Variants in ITPR3 observed in about 807,000 individuals in gnomAD.
ITPR3 encodes inositol 1,4,5-trisphosphate receptor type 3.
Under a neutral mutation model 293.2 loss-of-function variants are expected in ITPR3, and 173 were observed. The observed-to-expected ratio is 0.59, with a 90% CI of 0.52 to 0.67. The LOEUF (loss-of-function observed/expected upper bound fraction) is 0.67, where lower values mean the gene tolerates loss of function less well. Ranked by LOEUF, ITPR3 falls within the 30% of genes least tolerant of loss-of-function variation. The pLI, the probability that ITPR3 is intolerant of heterozygous loss-of-function variation, is 0.00. For missense variants in ITPR3, 2,796 were observed against 3,592.1 expected, an observed-to-expected ratio of 0.78 and a Z score of 5.66; for synonymous variants, 1,295 against 1,444.4, an observed-to-expected ratio of 0.90 and a Z score of 2.35.
At chr6:33,668,386 C>CT in intron 16 of ITPR3, 129 bp from the exon 17 acceptor site, 1 of 1,289,496 alleles carries the variant, frequency 7.8e-7, no homozygotes, top group Non-Finnish European at 1.1e-6. Flanking sequence ...CCACCCATCT[C>CT]TAAGCCTTGG....
In ITPR3 at chr6:33,679,923, T is replaced by A. The variant is rs147873398; in HGVS notation, c.4014T>A (p.Asp1338Glu). The A allele has an allele frequency of 3.8e-4, 606 of 1,613,806 alleles. 1 individual carries two copies. In the African/African-American group the frequency reaches 6.0e-3, roughly 16 times the overall value. ...AGDDVVVFYN[D>E]KASLAHLLDM... ...ACGATGTGGTCGTGTTCTACAATGA[T>A]AAGGCATCGCTGGCCCACCTGCTGG... The change falls in exon 31 of 58, where the codon GAT (aspartate) becomes GAA (glutamate). Residue 1338 changes from aspartate (D) to glutamate (E), a missense_variant. Physicochemically the swap from Asp to Glu is conservative, Grantham distance 45. Around this residue, in one of 8 missense-constraint regions of ITPR3, gnomAD observed 344 missense variants for 460.3 expected, o/e 0.75. Coordinates refer to ENST00000605930, the MANE Select transcript of ITPR3 (RefSeq NM_002224.4). This position sits in a 1 kb window ranked among gnomAD's most constrained non-coding sequence, Gnocchi z 4.2.
At chr6:33,647,027 G>A (rs7771951) in intron 2 of ITPR3, among the ~76,000 whole-genome samples, 13,934 of 152,104 alleles carry the variant, frequency 0.092, 723 homozygotes, top group Non-Finnish European at 0.12. Flanking sequence ...ATTAAAAAAG[G>A]TTATTTATTT....
Position 33,684,725 on chromosome 6 carries a change from T to C in ITPR3, c.5137+37T>C, listed in dbSNP as rs536720873. 81 of 1,611,410 alleles carry C rather than the reference T, an allele frequency of 5.0e-5. No homozygotes were observed. The highest frequency in any genetic ancestry group is 6.4e-5 in the Non-Finnish European group (75 of 1,178,370). On this transcript the variant is annotated intron_variant, in intron 38 of 57. Coordinates refer to ENST00000605930, the MANE Select transcript of ITPR3 (RefSeq NM_002224.4). This position sits in a 1 kb window ranked among gnomAD's most constrained non-coding sequence, Gnocchi z 4.2. ...CTTCCCCTGCCCCCGGGCCCTCCCTTCCACTCTCCTGTCACACCAGCTCTC... is the reference window on the plus strand; with the variant it reads ...CTTCCCCTGCCCCCGGGCCCTCCCTCCCACTCTCCTGTCACACCAGCTCTC...
intron 3 of ITPR3, among the ~76,000 whole-genome samples, chr6:33,656,771 G>T (rs1469311662): frequency 1.3e-5 from 2 of 152,182 alleles, no homozygotes; most frequent in African/African-American, 4.8e-5. Flanking sequence ...GGGCCCTGTT[G>T]CCCCACCCCT....
intron 2 of ITPR3, among the ~76,000 whole-genome samples, chr6:33,641,876 G>T (rs553330776): frequency 6.6e-6 from 1 of 152,052 alleles, no homozygotes; most frequent in African/African-American, 2.4e-5. Flanking sequence ...ATACAAAATC[G>T]CACTGCTGGC....
At chr6:33,629,951 C>T (rs1763635518) in intron 1 of ITPR3, among the ~76,000 whole-genome samples, 1 of 151,988 alleles carries the variant, frequency 6.6e-6, no homozygotes, top group East Asian at 2.0e-4. Context: ...ATTAGCTGGG[C>T]ATCGTGGCAC....
At position 33,691,474 on chromosome 6, in the gene ITPR3, A is replaced by G; in HGVS notation, c.7226-141A>G. ...CCCAGTCGGGGGCAGAAGCGTGATG[A>G]CCCTTCACTGTGGCTGGACAGTGGA... On this transcript the variant is annotated intron_variant, in intron 52 of 57. Coordinates refer to ENST00000605930, the MANE Select transcript of ITPR3 (RefSeq NM_002224.4). This position sits in a 1 kb window ranked among gnomAD's most constrained non-coding sequence, Gnocchi z 4.9. 1 of 699,660 alleles carries G rather than the reference A, an allele frequency of 1.4e-6. No individual in the cohort carries two copies. Among genetic ancestry groups the G allele is most frequent in the Non-Finnish European group, 2.4e-6 (1 of 409,380 alleles). 43.3% of individuals were successfully genotyped at this position (699,660 alleles called of 1,614,324 possible).
chr6:33,633,056 G>A lies in ITPR3; in HGVS notation c.90-7428G>A, dbSNP rs1763720041. Among the ~76,000 whole-genome samples, 1 of 152,232 alleles carries A rather than the reference G, an allele frequency of 6.6e-6. No individual in the cohort carries two copies. Among genetic ancestry groups the A allele is most frequent in the Non-Finnish European group, 1.5e-5 (1 of 68,040 alleles). On this transcript the variant is annotated intron_variant, in intron 1 of 57. Transcript: ENST00000605930. The surrounding 1 kb of genome is among the most constrained non-coding windows in gnomAD (Gnocchi z 5.2). Reference sequence around the variant, plus strand: ...TGAGATACTGGATGTAAAAACGATTGATAAACTATAGAGTCGCGCGATGGA... The same window carrying A: ...TGAGATACTGGATGTAAAAACGATTAATAAACTATAGAGTCGCGCGATGGA...
rs758373147 is a variant in ITPR3, at chr6:33,621,713, G to C, written c.89+22G>C. 2 of 1,576,332 alleles carry C rather than the reference G, an allele frequency of 1.3e-6. No individual in the cohort carries two copies. The highest frequency in any genetic ancestry group is 4.6e-5 in the East Asian group (2 of 43,342). Reference sequence around the variant, plus strand: ...TGGGGTGAGTGAGCCGAGCTCGAGAGGGGCGCGGGTAAAGAGGGGGCGCCG... The same window carrying C: ...TGGGGTGAGTGAGCCGAGCTCGAGACGGGCGCGGGTAAAGAGGGGGCGCCG... On this transcript the variant is annotated intron_variant, in intron 1 of 57. Coordinates refer to ENST00000605930, the MANE Select transcript of ITPR3 (RefSeq NM_002224.4). The surrounding 1 kb of genome is among the most constrained non-coding windows in gnomAD (Gnocchi z 7.7).
rs1235030694 is a variant in ITPR3 at position 33,656,059 on chromosome 6, C to CA, written c.282+174dup. ...CTGTAATTCCAGCACTTTGGGAGGCCAAGGCAGGAGGATTGCTTGAGGCCA... is the reference window on the plus strand; with the variant it reads ...CTGTAATTCCAGCACTTTGGGAGGCCAAAGGCAGGAGGATTGCTTGAGGCCA... On this transcript the variant is annotated intron_variant, in intron 3 of 57. Coordinates refer to ENST00000605930, the MANE Select transcript of ITPR3 (RefSeq NM_002224.4). Among the ~76,000 whole-genome samples, 4 of 152,096 alleles carry CA rather than the reference C, an allele frequency of 2.6e-5. No individual in the cohort carries two copies. The South Asian group carries it at 6.2e-4, about 24-fold the overall frequency.
At position 33,682,165 on chromosome 6, in the gene ITPR3, A is replaced by G. The variant is rs1356252100; in HGVS notation, c.4477-359A>G. ...CCAAAGTGCTGACATTACACGTGTGAGCCACTGCGCCCAGCCTCAAAGTGT... is the reference window on the plus strand; with the variant it reads ...CCAAAGTGCTGACATTACACGTGTGGGCCACTGCGCCCAGCCTCAAAGTGT... On this transcript the variant is annotated intron_variant, in intron 33 of 57. Transcript: ENST00000605930. This position sits in a 1 kb window ranked among gnomAD's most constrained non-coding sequence, Gnocchi z 5.4. Among the ~76,000 whole-genome samples the G allele has an allele frequency of 6.6e-6, 1 of 152,212 alleles. No individual in the cohort carries two copies. The highest frequency in any genetic ancestry group is 1.5e-5 in the Non-Finnish European group (1 of 68,038).
intron 41 of ITPR3, 109 bp downstream of exon 41, chr6:33,685,936 T>A: frequency 6.6e-7 from 1 of 1,507,604 alleles, no homozygotes; most frequent in Non-Finnish European, 9.0e-7. Flanking sequence ...CCCTGGGCAC[T>A]GCTGCTTTGT....
In ITPR3 at chr6:33,670,815, G is replaced by C; in HGVS notation, c.2586G>C (p.Glu862Asp). 1 of 1,613,268 alleles carries C rather than the reference G, an allele frequency of 6.2e-7. No homozygotes were observed. Among genetic ancestry groups the C allele is most frequent in the Non-Finnish European group, 8.5e-7 (1 of 1,179,992 alleles). The change falls in exon 20 of 58, where the codon GAG (glutamate) becomes GAC (aspartate). Residue 862 changes from glutamate (E) to aspartate (D), a missense_variant and splice_region_variant. By Grantham distance (45) the Glu-to-Asp change is conservative. Transcript: ENST00000605930. The surrounding 1 kb of genome is among the most constrained non-coding windows in gnomAD (Gnocchi z 6.7). ...ANEEKNKLTF[E>D]VVSLAHNLIY... Reference sequence around the variant, plus strand: ...AGGAGAAGAACAAGCTCACTTTTGAGGTGGCTGGGGGAGTGCCCAGGGGCT... The same window carrying C: ...AGGAGAAGAACAAGCTCACTTTTGACGTGGCTGGGGGAGTGCCCAGGGGCT...
At position 33,690,021 on chromosome 6, in the gene ITPR3, C is replaced by T. The variant is rs1251939810; in HGVS notation, c.6868-13C>T. On this transcript the variant is annotated splice_polypyrimidine_tract_variant and intron_variant, in intron 50 of 57. Coordinates refer to ENST00000605930, the MANE Select transcript of ITPR3 (RefSeq NM_002224.4). Reference sequence around the variant, plus strand: ...GTAGGGTGCTGACTCTCATGCCTTGCACTCGCCCCCAGCTGACCAACAAGA... The same window carrying T: ...GTAGGGTGCTGACTCTCATGCCTTGTACTCGCCCCCAGCTGACCAACAAGA... The T allele has an allele frequency of 6.2e-7, 1 of 1,614,048 alleles. No individual in the cohort carries two copies. Among genetic ancestry groups the T allele is most frequent in the Non-Finnish European group, 8.5e-7 (1 of 1,179,956 alleles).
Position 33,669,076 on chromosome 6 carries a change from T to A in ITPR3, c.2109T>A (p.His703Gln). Residue 703 changes from histidine to glutamine, a missense_variant, in exon 18 of 58, where the codon CAT (histidine) becomes CAA (glutamine). Coordinates refer to ENST00000605930, the MANE Select transcript of ITPR3 (RefSeq NM_002224.4). Reference protein sequence around the residue: ...WLTWTDKNNEHHEKSVRQLAQ... With the variant: ...WLTWTDKNNEQHEKSVRQLAQ... ...CGTGGACTGACAAGAATAACGAGCA[T>A]CATGAGAAGAGTGTGAGGCAGCTGG... 6.2e-7 allele frequency: 1 copy of A among 1,614,110 alleles called. No homozygotes were observed.
rs1041805189 is a variant in ITPR3, at chr6:33,634,326, TG to T, written c.90-6153del. ...CAAGGTGCCACCTCTTGGAGGTTCTTGGGGGACACAGAATGGAGCTTAGCAT... is the reference window on the plus strand; with the variant it reads ...CAAGGTGCCACCTCTTGGAGGTTCTTGGGGACACAGAATGGAGCTTAGCAT... On this transcript the variant is annotated intron_variant, in intron 1 of 57. Transcript: ENST00000605930. 4.1e-4 allele frequency among the ~76,000 whole-genome samples: 62 copies of T among 152,182 alleles called. 1 individual carries two copies. The highest frequency in any genetic ancestry group is 1.2e-3 in the Admixed American group (18 of 15,298).
At chr6:33,642,529 G>A (rs1251401679) in intron 2 of ITPR3, among the ~76,000 whole-genome samples, 1 of 152,152 alleles carries the variant, frequency 6.6e-6, no homozygotes, top group South Asian at 2.1e-4. Flanking sequence ...CTGGTGACAG[G>A]GAGGTGGGTG....
Position 33,687,995 on chromosome 6 carries a change from G to A in ITPR3, c.6265-62G>A. ...CTAGGCGAAGGCCTGGGAGGGTGGG[G>A]GCTGAGTGCCAGCCTGGATGTGGAG... On this transcript the variant is annotated intron_variant, in intron 46 of 57. Coordinates refer to ENST00000605930, the MANE Select transcript of ITPR3 (RefSeq NM_002224.4). The surrounding 1 kb of genome is among the most constrained non-coding windows in gnomAD (Gnocchi z 5.3). 3 of 1,351,640 alleles carry A rather than the reference G, an allele frequency of 2.2e-6. No homozygotes were observed. The highest frequency in any genetic ancestry group is 1.3e-5 in the South Asian group (1 of 78,182). The allele number at this position is 1,351,640 out of a possible 1,614,324, so 83.7% of individuals were successfully genotyped here. A position where few individuals can be genotyped will look rare whatever the true frequency, so the allele number is the denominator to read the frequency against.
chr6:33,687,071 G>T lies in ITPR3; in HGVS notation c.6042G>T (p.Glu2014Asp). Residue 2014 changes from glutamate (E) to aspartate (D), a missense_variant, in exon 44 of 58, where the codon GAG becomes GAT. This residue lies in a region of ITPR3 where 704 missense variants were observed against 797.5 expected (regional missense o/e 0.88). Transcript: ENST00000605930. This position sits in a 1 kb window ranked among gnomAD's most constrained non-coding sequence, Gnocchi z 5.3. ...GCCGGCATGACAGTGAAAATGCTGA[G>T]CGAATCCTCATCAGCCTGCGGCCCC... ...MESRHDSENA[E>D]RILISLRPQE... 1 of 1,614,078 alleles carries T rather than the reference G, an allele frequency of 6.2e-7. No individual in the cohort carries two copies. Among genetic ancestry groups the T allele is most frequent in the Admixed American group, 1.7e-5 (1 of 60,020 alleles).
Sources: gnomAD v4.1 joint callset for allele counts (sites outside exome capture counted in the v4.1 genomes callset) on GRCh38, gnomAD v4.1.1 for gene constraint, gnomAD v4.1.1 regional missense constraint, Gnocchi (gnomAD v3.1) non-coding constraint, MANE v1.5 for transcripts, NCBI Gene and HGNC (gene_info 2026-07-23, HGNC 2026-07-21) for gene names.